SEMA5A: variants seen among roughly 807,000 people sequenced by gnomAD.
The protein encoded by SEMA5A is semaphorin-5A.
A neutral mutation model predicts 135.5 loss-of-function variants in SEMA5A; 55 were observed. The observed-to-expected ratio is 0.41, with a 90% confidence interval of 0.33 to 0.51. The LOEUF (loss-of-function observed/expected upper bound fraction) is 0.51, where lower values mean the gene tolerates loss of function less well. Ranked by LOEUF, SEMA5A falls within the 20% of genes least tolerant of loss-of-function variation. The pLI, the probability that SEMA5A is intolerant of heterozygous loss-of-function variation, is 0.37. For missense variants in SEMA5A, 1,290 were observed against 1,419.9 expected, an observed-to-expected ratio of 0.91 and a Z score of 1.47; for synonymous variants, 580 against 546.5, an observed-to-expected ratio of 1.06 and a Z score of -0.85.
intron 3 of SEMA5A, among the ~76,000 whole-genome samples, chr5:9,339,274 G>T (rs375992753): frequency 2.6e-5 from 4 of 152,162 alleles, no homozygotes; most frequent in African/African-American, 9.7e-5. Flanking sequence ...ATTCTTATAT[G>T]AAAAGAAGAG....
intron 11 of SEMA5A, among the ~76,000 whole-genome samples, chr5:9,158,329 A>T (rs1291770454): frequency 6.6e-6 from 1 of 152,198 alleles, no homozygotes; most frequent in Non-Finnish European, 1.5e-5. Flanking sequence ...TGAATGAAGA[A>T]TTGGTTTCAT....
In SEMA5A at chr5:9,123,258, C is replaced by CAAAAAAAAAAAAAAAAAAAA. The variant is rs57533658; in HGVS notation, c.1600-441_1600-422dup. On this transcript the variant is annotated intron_variant, in intron 13 of 22. Coordinates refer to ENST00000382496, the MANE Select transcript of SEMA5A (RefSeq NM_003966.3). Reference sequence around the variant, plus strand: ...TGAGGGAAGGAGCGAGACTCCGCCTCAAAAAAAAAAAAAAAAAAAAAAAAA... The same window carrying CAAAAAAAAAAAAAAAAAAAA: ...TGAGGGAAGGAGCGAGACTCCGCCTCAAAAAAAAAAAAAAAAAAAAAAAAAAAAAAAAAAAAAAAAAAAAA... Among the ~76,000 whole-genome samples, 5 of 38,944 alleles carry CAAAAAAAAAAAAAAAAAAAA rather than the reference C, an allele frequency of 1.3e-4. 1 individual carries two copies. Among genetic ancestry groups the CAAAAAAAAAAAAAAAAAAAA allele is most frequent in the African/African-American group, 1.9e-4 (3 of 15,436 alleles). 25.5% of individuals were successfully genotyped at this position (38,944 alleles called of 152,430 possible). A position where few individuals can be genotyped will look rare whatever the true frequency, so the allele number is the denominator to read the frequency against.
At chr5:9,142,824 C>T (rs1742138964) in intron 12 of SEMA5A, among the ~76,000 whole-genome samples, 2 of 152,160 alleles carry the variant, frequency 1.3e-5, no homozygotes, top group South Asian at 4.1e-4. Flanking sequence ...ATTAACCGGG[C>T]ATGATGGCAC....
chr5:9,426,672 A>T (rs921232052), intron 2 of SEMA5A, among the ~76,000 whole-genome samples: 17 of 152,100 alleles, frequency 1.1e-4, no homozygotes, highest in African/African-American at 4.1e-4. Flanking sequence ...AGCTACTTCA[A>T]ATCAATAAAG....
At chr5:9,354,351 A>G (rs191901886) in intron 3 of SEMA5A, among the ~76,000 whole-genome samples, 195 of 152,256 alleles carry the variant, frequency 1.3e-3, no homozygotes, top group Non-Finnish European at 2.4e-3. Context: ...TGTGAATTCA[A>G]TGTCACAGTC....
At chr5:9,513,776 T>C (rs1410623475) in intron 1 of SEMA5A, among the ~76,000 whole-genome samples, 1 of 152,198 alleles carries the variant, frequency 6.6e-6, no homozygotes, top group African/African-American at 2.4e-5. Context: ...ACTATAGCAA[T>C]TATAGCTTCA....
Position 9,384,701 on chromosome 5 carries a change from T to C in SEMA5A, c.-77-4678A>G, listed in dbSNP as rs1417831197. Among the ~76,000 whole-genome samples, 59 of 142,254 alleles carry C rather than the reference T, an allele frequency of 4.1e-4. 2 individuals are homozygous for C. Among genetic ancestry groups the C allele is most frequent in the Non-Finnish European group, 7.3e-4 (48 of 65,958 alleles). The allele number at this position is 142,254 out of a possible 152,430, so 93.3% of individuals were successfully genotyped here. The stretch of plus-strand genomic sequence containing the variant: ...ATAGATAGATAGATAGATAGATAGA[T>C]AGATAGATAGATAGACAGACAGACA... On this transcript the variant is annotated intron_variant, in intron 2 of 22. Coordinates refer to ENST00000382496, the MANE Select transcript of SEMA5A (RefSeq NM_003966.3).
chr5:9,493,624 A>T (rs268498), intron 1 of SEMA5A, among the ~76,000 whole-genome samples: 147,695 of 152,298 alleles, frequency 0.97, 71,864 homozygotes, highest in Non-Finnish European at 1. Flanking sequence ...GATTAAAGTT[A>T]TTTTCCTCCC....
chr5:9,076,650 A>T (rs1011522637), intron 16 of SEMA5A, among the ~76,000 whole-genome samples: 1 of 152,228 alleles, frequency 6.6e-6, no homozygotes, highest in African/African-American at 2.4e-5. Flanking sequence ...CAAAACAACT[A>T]TGAGTTTATA....
At chr5:9,186,600 C>T (rs979326916) in intron 11 of SEMA5A, among the ~76,000 whole-genome samples, 3 of 152,158 alleles carry the variant, frequency 2.0e-5, no homozygotes, top group Admixed American at 2.0e-4. Flanking sequence ...ACTCGTTTAA[C>T]TCCTGGATAT....
chr5:9,122,801 A>C lies in SEMA5A; in HGVS notation c.1636T>G (p.Trp546Gly). The part of the protein sequence containing the change: ...NLTVDGHFGV[W>G]SPWTPCTHTD... Reference sequence around the variant, plus strand: ...TGCGTGCAAGGCGTCCACGGAGACCACACACCAAAGTGCCCATCCACGGTG... The same window carrying C: ...TGCGTGCAAGGCGTCCACGGAGACCCCACACCAAAGTGCCCATCCACGGTG... Residue 546 changes from tryptophan (W) to glycine (G), a missense_variant, in exon 14 of 23, where the codon TGG (tryptophan) becomes GGG (glycine). Transcript: ENST00000382496. The C allele has an allele frequency of 6.2e-7, 1 of 1,610,770 alleles. No homozygotes were observed. The highest frequency in any genetic ancestry group is 8.5e-7 in the Non-Finnish European group (1 of 1,178,178).
chr5:9,225,389 TAAAAAA>T (rs34806769), intron 7 of SEMA5A, among the ~76,000 whole-genome samples: 2 of 43,110 alleles, frequency 4.6e-5, no homozygotes, highest in Admixed American at 3.6e-4. Context: ...CCATCTCTAC[TAAAAAA>T]AAAAAAAAAA....
intron 3 of SEMA5A, among the ~76,000 whole-genome samples, chr5:9,362,829 C>T (rs1000271513): frequency 6.6e-6 from 1 of 152,100 alleles, no homozygotes; most frequent in African/African-American, 2.4e-5. Flanking sequence ...ACTCTTTAGT[C>T]TTCAACTACA....
intron 1 of SEMA5A, among the ~76,000 whole-genome samples, chr5:9,455,254 T>C (rs1561266766): frequency 7.2e-6 from 1 of 139,260 alleles, no homozygotes; most frequent in African/African-American, 3.0e-5. Context: ...ATTTTATTTA[T>C]TTATTTTTTT....
At chr5:9,401,969 T>C (rs1269317185) in intron 2 of SEMA5A, among the ~76,000 whole-genome samples, 1 of 152,176 alleles carries the variant, frequency 6.6e-6, no homozygotes, top group Non-Finnish European at 1.5e-5. Flanking sequence ...CACACTTGTC[T>C]CCACTGGTCT....
chr5:9,356,546 C>G (rs1754456717), intron 3 of SEMA5A, among the ~76,000 whole-genome samples: 1 of 152,234 alleles, frequency 6.6e-6, no homozygotes, highest in East Asian at 1.9e-4. Context: ...GAACCCCCAC[C>G]AAGTTCAAAG....
At chr5:9,419,621 G>C (rs1274717414) in intron 2 of SEMA5A, among the ~76,000 whole-genome samples, 1 of 152,154 alleles carries the variant, frequency 6.6e-6, no homozygotes, top group African/African-American at 2.4e-5. Flanking sequence ...AGGAGTCACA[G>C]GTGGGCCCTG....
intron 11 of SEMA5A, among the ~76,000 whole-genome samples, chr5:9,169,263 G>A (rs370460452): frequency 2.0e-5 from 3 of 152,098 alleles, no homozygotes; most frequent in Admixed American, 6.5e-5. Context: ...CAATGTGTTC[G>A]CATATTGAAT....
chr5:9,144,688 T>C (rs1049008966), intron 12 of SEMA5A, among the ~76,000 whole-genome samples: 11 of 152,188 alleles, frequency 7.2e-5, no homozygotes, highest in African/African-American at 2.4e-4. Context: ...CCAGTTGCTC[T>C]TGTGTGGATA....
Sources: allele counts gnomAD v4.1 joint callset (sites outside exome capture counted in the v4.1 genomes callset), GRCh38; gene constraint gnomAD v4.1.1; transcripts MANE v1.5; gene names NCBI Gene and HGNC (gene_info 2026-07-23, HGNC 2026-07-21).